The following RHPN2 variants were observed in gnomAD, a reference collection of about 807,000 sequenced individuals.
RHPN2 encodes the protein rhophilin Rho GTPase binding protein 2, also known as rhophilin-2.
A neutral mutation model predicts 79.0 loss-of-function variants in RHPN2; 40 were observed. The ratio of observed to expected loss-of-function variants is 0.51; its 90% CI spans 0.39 to 0.66. The LOEUF (loss-of-function observed/expected upper bound fraction) is 0.66, where lower values mean the gene tolerates loss of function less well. RHPN2 is among the 30% of genes least tolerant of loss of function. The pLI, the probability that RHPN2 is intolerant of heterozygous loss-of-function variation, is 0.00. For synonymous variants in RHPN2, 285 were observed against 363.5 expected, an observed-to-expected ratio of 0.78 and a Z score of 2.46; for missense variants, 686 against 883.5, an observed-to-expected ratio of 0.78 and a Z score of 2.83.
intron 2 of RHPN2, among the ~76,000 whole-genome samples, chr19:33,035,920 T>C (rs1599828441): frequency 1.3e-5 from 2 of 151,878 alleles, no homozygotes; most frequent in Non-Finnish European, 2.9e-5. Flanking sequence ...ATATAGACCA[T>C]CCTGGCTAAC....
At chr19:33,031,702 G>A (rs1972013493) in intron 2 of RHPN2, among the ~76,000 whole-genome samples, 1 of 151,842 alleles carries the variant, frequency 6.6e-6, no homozygotes, top group South Asian at 2.1e-4. Flanking sequence ...TTTTTTGTGG[G>A]TGTGTGTGAG....
At chr19:33,014,794 A>G (rs963145475) in intron 4 of RHPN2, among the ~76,000 whole-genome samples, 3 of 152,092 alleles carry the variant, frequency 2.0e-5, no homozygotes, top group Non-Finnish European at 4.4e-5. Context: ...ATAGCTGGGC[A>G]TGGTGGTTAA....
chr19:33,034,150 G>A (rs563881090), intron 2 of RHPN2, among the ~76,000 whole-genome samples: 3 of 150,458 alleles, frequency 2.0e-5, no homozygotes, highest in Admixed American at 6.6e-5. Flanking sequence ...GAGCCATCGC[G>A]CCCGGCCTGG....
intron 7 of RHPN2, among the ~76,000 whole-genome samples, chr19:33,006,468 A>G (rs1189534803): frequency 6.6e-6 from 1 of 152,220 alleles, no homozygotes; most frequent in Non-Finnish European, 1.5e-5. Flanking sequence ...TGGCAAAGCT[A>G]TGGTTCTTCA....
At chr19:33,055,550 T>G (rs559624325) in intron 1 of RHPN2, among the ~76,000 whole-genome samples, 4 of 152,086 alleles carry the variant, frequency 2.6e-5, no homozygotes, top group African/African-American at 9.6e-5. Flanking sequence ...TGATCCCACA[T>G]GACCCACGCT....
intron 14 of RHPN2, among the ~76,000 whole-genome samples, chr19:32,989,662 CT>C (rs1478276659): frequency 1.8e-4 from 28 of 152,122 alleles, no homozygotes; most frequent in African/African-American, 6.5e-4. Flanking sequence ...ATTATTTTAT[CT>C]ACAGGATATT....
In RHPN2 at chr19:33,011,753, T is replaced by C; in HGVS notation, c.519A>G (p.Thr173=). The C allele has an allele frequency of 6.2e-7, 1 of 1,613,928 alleles. No homozygotes were observed. The highest frequency in any genetic ancestry group is 8.5e-7 in the Non-Finnish European group (1 of 1,179,864). ...CGACAAAGCCCAGCTGGATGAAGTA[T>C]GTCATCAGCAGTTCCACCCCGGCCT... is the stretch of plus-strand genomic sequence containing the variant. ...RDEAGVELLM[T]YFIQLGFVES... Residue 173 remains threonine, a synonymous_variant, in exon 6 of 15, where the codon ACA becomes ACG. Coordinates refer to ENST00000254260, the MANE Select transcript of RHPN2 (RefSeq NM_033103.5).
At chr19:33,000,388 T>C (rs1246532380) in intron 9 of RHPN2, among the ~76,000 whole-genome samples, 2 of 151,804 alleles carry the variant, frequency 1.3e-5, no homozygotes, top group African/African-American at 4.8e-5. Context: ...GCCCGGCTAA[T>C]TTTTGTATTT....
chr19:33,035,076 C>G (rs570188464), intron 2 of RHPN2, among the ~76,000 whole-genome samples: 1 of 152,218 alleles, frequency 6.6e-6, no homozygotes, highest in African/African-American at 2.4e-5. Context: ...AAGTGATTCT[C>G]CTGCCTCAGC....
At chr19:32,993,028 G>A (rs1971673325) in intron 12 of RHPN2, among the ~76,000 whole-genome samples, 1 of 152,074 alleles carries the variant, frequency 6.6e-6, no homozygotes, top group Non-Finnish European at 1.5e-5. Flanking sequence ...TAAGGCAGGA[G>A]GATCGCTTGA....
At position 32,999,594 on chromosome 19, in the gene RHPN2, C is replaced by T. The variant is rs201438314; in HGVS notation, c.1217G>A (p.Arg406Gln). 9 of 1,611,662 alleles carry T rather than the reference C, an allele frequency of 5.6e-6. No individual in the cohort carries two copies. The highest frequency in any genetic ancestry group is 1.7e-4 in the Middle Eastern group (1 of 5,872). Residue 406 changes from arginine to glutamine, a missense_variant, in exon 10 of 15, where the codon CGA becomes CAA. By Grantham distance (43) the Arg-to-Gln change is conservative. Transcript: ENST00000254260. The part of the protein sequence containing the change: ...LATLKNDQQR[R>Q]QLGKSHLRRA... ...TGCAGGGGGACACGCACCCAGCTGTCGGCGCTGCTGATCATTCTTCAGTGT... is the reference window on the plus strand; with the variant it reads ...TGCAGGGGGACACGCACCCAGCTGTTGGCGCTGCTGATCATTCTTCAGTGT...
intron 7 of RHPN2, among the ~76,000 whole-genome samples, chr19:33,005,427 A>G (rs1359071647): frequency 6.6e-6 from 1 of 150,826 alleles, no homozygotes; most frequent in Non-Finnish European, 1.5e-5. Flanking sequence ...AAAAAAAAAA[A>G]AAAAAAAAAA....
intron 14 of RHPN2, 147 bp downstream of exon 14, chr19:32,990,367 A>G (rs1301709520): frequency 2.4e-6 from 2 of 846,158 alleles, no homozygotes; most frequent in African/African-American, 3.4e-5. Context: ...TGAGCACATT[A>G]CAGTGATTAC....
intron 6 of RHPN2, among the ~76,000 whole-genome samples, chr19:33,009,361 C>T (rs186758339): frequency 9.9e-5 from 15 of 151,878 alleles, no homozygotes; most frequent in African/African-American, 2.9e-4. Context: ...GAGGCCAAGG[C>T]GGTATGGCTT....
At position 33,008,030 on chromosome 19, in the gene RHPN2, G is replaced by A. The variant is rs1439653484; in HGVS notation, c.744C>T (p.Ala248=). 1.9e-6 allele frequency: 3 copies of A among 1,612,382 alleles called. No homozygotes were observed. The highest frequency in any genetic ancestry group is 2.7e-5 in the African/African-American group (2 of 74,846). The change falls in exon 7 of 15, where the codon GCC becomes GCT. Residue 248 remains alanine, a synonymous_variant. Transcript: ENST00000254260. The part of the protein sequence containing the change: ...TQAGLESAID[A]FQRAAGVLNY... Reference sequence around the variant, plus strand: ...GAGACATACCTGCGGCTCTCTGAAAGGCATCTATGGCACTCTCCAGCCCAG... The same window carrying A: ...GAGACATACCTGCGGCTCTCTGAAAAGCATCTATGGCACTCTCCAGCCCAG...
chr19:32,981,079 C>A (rs1971570227), intron 14 of RHPN2, among the ~76,000 whole-genome samples: 1 of 152,058 alleles, frequency 6.6e-6, no homozygotes, highest in South Asian at 2.1e-4. Context: ...CCCGTCTTGG[C>A]CTCCCAAAGT....
At chr19:33,033,777 G>A (rs1972031175) in intron 2 of RHPN2, among the ~76,000 whole-genome samples, 1 of 151,698 alleles carries the variant, frequency 6.6e-6, no homozygotes, top group South Asian at 2.1e-4. Context: ...TGAGGCAGGA[G>A]ACTCGCTTGA....
At chr19:33,042,729 C>T (rs1005691663) in intron 2 of RHPN2, among the ~76,000 whole-genome samples, 3 of 151,844 alleles carry the variant, frequency 2.0e-5, no homozygotes, top group Non-Finnish European at 2.9e-5. Flanking sequence ...GACAACAGTT[C>T]GAGAACAACC....
At chr19:33,056,116 CT>C (rs748275930) in intron 1 of RHPN2, among the ~76,000 whole-genome samples, 157 of 134,230 alleles carry the variant, frequency 1.2e-3, no homozygotes, top group Non-Finnish European at 1.3e-3. Context: ...TTCTTTTTTC[CT>C]TTTTTTTTTT....
Sources: gnomAD v4.1 joint callset for allele counts (sites outside exome capture counted in the v4.1 genomes callset) on GRCh38, gnomAD v4.1.1 for gene constraint, MANE v1.5 for transcripts, NCBI Gene and HGNC (gene_info 2026-07-23, HGNC 2026-07-21) for gene names.